BBS9: variants seen among roughly 807,000 people sequenced by gnomAD.
BBS9 encodes protein PTHB1.
A neutral mutation model predicts 117.7 loss-of-function variants in BBS9; 89 were observed. The ratio of observed to expected loss-of-function variants is 0.76; its 90% CI spans 0.64 to 0.90. The LOEUF (loss-of-function observed/expected upper bound fraction) is 0.90. BBS9 is among the 40% of genes least tolerant of loss of function. The probability of loss-of-function intolerance (pLI) is 0.00; values close to 1 mark genes in which losing one functional copy is unlikely to be tolerated. For missense variants in BBS9, 982 were observed against 1,042.2 expected (o/e 0.94, Z 0.80); for synonymous variants, 379 against 370.9 (o/e 1.02, Z -0.25).
rs902618350 is a variant in BBS9 at position 33,446,416 on chromosome 7, G to GT, written c.2115+58280dup. Reference sequence around the variant, plus strand: ...ATTAATTAAACCAAATGTTAAATCTGTTTTTTTTGAAAAAGCTTGAAATTC... The same window carrying GT: ...ATTAATTAAACCAAATGTTAAATCTGTTTTTTTTTGAAAAAGCTTGAAATTC... On this transcript the variant is annotated intron_variant, in intron 19 of 22. Transcript: ENST00000242067. 2.0e-3 allele frequency among the ~76,000 whole-genome samples: 296 copies of GT among 151,780 alleles called. 2 individuals carry two copies. The highest frequency in any genetic ancestry group is 6.7e-3 in the African/African-American group (276 of 41,394).
At chr7:33,245,253 A>G (rs1795155137) in intron 5 of BBS9, among the ~76,000 whole-genome samples, 1 of 150,910 alleles carries the variant, frequency 6.6e-6, no homozygotes, top group Admixed American at 6.6e-5. Flanking sequence ...TATTTTTTAT[A>G]TTGTCTTTCC....
chr7:33,428,258 AATTG>A (rs1471912650), intron 19 of BBS9, among the ~76,000 whole-genome samples: 1 of 152,182 alleles, frequency 6.6e-6, no homozygotes, highest in Non-Finnish European at 1.5e-5. Flanking sequence ...ACATTTGTGC[AATTG>A]ATTTTTGACA....
intron 20 of BBS9, among the ~76,000 whole-genome samples, chr7:33,527,050 T>C (rs898960812): frequency 4.6e-5 from 7 of 151,740 alleles, no homozygotes; most frequent in African/African-American, 1.4e-4. Flanking sequence ...GCCTCCCAGT[T>C]AGGCTGCTCG....
At chr7:33,618,355 AAAGT>A (rs1266766115) in intron 21 of BBS9, among the ~76,000 whole-genome samples, 3 of 152,248 alleles carry the variant, frequency 2.0e-5, no homozygotes, top group African/African-American at 4.8e-5. Context: ...AAAAAAAAAA[AAAGT>A]AAGACATTAA....
chr7:33,410,735 T>C (rs949851340), intron 19 of BBS9, among the ~76,000 whole-genome samples: 17 of 152,176 alleles, frequency 1.1e-4, no homozygotes, highest in Admixed American at 4.6e-4. Flanking sequence ...TAAAAGCCAG[T>C]TTGTCTGGCT....
chr7:33,410,603 C>G (rs1038347863), intron 19 of BBS9, among the ~76,000 whole-genome samples: 7 of 152,302 alleles, frequency 4.6e-5, no homozygotes, highest in African/African-American at 7.2e-5. Flanking sequence ...TTGTCTACAT[C>G]TATTCCCAAC....
At chr7:33,524,835 G>C (rs1471438241) in intron 20 of BBS9, among the ~76,000 whole-genome samples, 1 of 152,078 alleles carries the variant, frequency 6.6e-6, no homozygotes, top group African/African-American at 2.4e-5. Context: ...TTTTAATTGT[G>C]ATGTTAGGGT....
intron 20 of BBS9, among the ~76,000 whole-genome samples, chr7:33,520,675 T>C (rs6947128): frequency 0.059 from 9,008 of 152,272 alleles, 350 homozygotes; most frequent in Middle Eastern, 0.1. Flanking sequence ...TATGTGGAAA[T>C]ATATAAATAA....
intron 19 of BBS9, among the ~76,000 whole-genome samples, chr7:33,498,154 A>G (rs1372409782): frequency 6.6e-6 from 1 of 152,154 alleles, no homozygotes; most frequent in Non-Finnish European, 1.5e-5. Context: ...TCATAGTTAG[A>G]TGTGGTTGAC....
intron 9 of BBS9, among the ~76,000 whole-genome samples, chr7:33,313,064 T>TGCGC (rs1554412030): frequency 3.4e-5 from 5 of 147,688 alleles, no homozygotes; most frequent in African/African-American, 5.0e-5. Context: ...TGTGTGTGTG[T>TGCGC]GCGCGCACAG....
intron 10 of BBS9, among the ~76,000 whole-genome samples, chr7:33,339,419 A>G (rs181725644): frequency 5.1e-4 from 77 of 152,306 alleles, no homozygotes; most frequent in African/African-American, 1.8e-3. Context: ...GAATTGAAGA[A>G]TGGTTATTGG....
intron 6 of BBS9, among the ~76,000 whole-genome samples, chr7:33,262,665 T>C (rs1304717782): frequency 6.6e-6 from 1 of 152,216 alleles, no homozygotes; most frequent in Non-Finnish European, 1.5e-5. Context: ...TCCCTCTTAC[T>C]TCATGCGCCC....
rs149704020 is a variant in BBS9 at position 33,489,143 on chromosome 7, C to T, written c.2116-16320C>T. Among the ~76,000 whole-genome samples the T allele has an allele frequency of 6.2e-3, 946 of 151,834 alleles. 12 individuals carry two copies. Among genetic ancestry groups the T allele is most frequent in the African/African-American group, 0.022 (911 of 41,422 alleles). On this transcript the variant is annotated intron_variant, in intron 19 of 22. Coordinates refer to ENST00000242067, the MANE Select transcript of BBS9 (RefSeq NM_198428.3). ...GAGTAGCTGGGATTATAGGCGTGCA[C>T]CACCACGCCTGGCTAACTTTTTGTA... is the stretch of plus-strand genomic sequence containing the variant.
At chr7:33,142,575 A>G (rs1461852053) in intron 1 of BBS9, among the ~76,000 whole-genome samples, 3 of 152,170 alleles carry the variant, frequency 2.0e-5, no homozygotes, top group African/African-American at 7.2e-5. Context: ...AGTCAACACT[A>G]TATACCTATT....
At chr7:33,155,058 G>A (rs552236228) in intron 3 of BBS9, among the ~76,000 whole-genome samples, 1 of 152,180 alleles carries the variant, frequency 6.6e-6, no homozygotes, top group Non-Finnish European at 1.5e-5. Context: ...GATAGGCTGG[G>A]AATTGTTGTG....
intron 19 of BBS9, among the ~76,000 whole-genome samples, chr7:33,495,075 G>T (rs1844528668): frequency 6.6e-6 from 1 of 152,138 alleles, no homozygotes; most frequent in African/African-American, 2.4e-5. Flanking sequence ...AGAGAAGTAG[G>T]CCCTCTGAAA....
At chr7:33,327,473 G>C (rs1205497753) in intron 9 of BBS9, among the ~76,000 whole-genome samples, 2 of 152,154 alleles carry the variant, frequency 1.3e-5, no homozygotes, top group African/African-American at 4.8e-5. Context: ...GTTGAAGCAG[G>C]AGGATCACCT....
intron 17 of BBS9, among the ~76,000 whole-genome samples, chr7:33,370,855 TTTGTACA>T (rs1822731403): frequency 6.6e-6 from 1 of 152,160 alleles, no homozygotes; most frequent in South Asian, 2.1e-4. Context: ...TTTGTCTCTA[TTTGTACA>T]TTGCCTTGTT....
intron 19 of BBS9, among the ~76,000 whole-genome samples, chr7:33,442,215 T>C (rs1193255640): frequency 6.6e-6 from 1 of 152,158 alleles, no homozygotes; most frequent in Non-Finnish European, 1.5e-5. Context: ...TCTAAGAAAT[T>C]TCCACTTTCA....
Sources: allele counts gnomAD v4.1 joint callset (sites outside exome capture counted in the v4.1 genomes callset), GRCh38; gene constraint gnomAD v4.1.1; transcripts MANE v1.5; gene names NCBI Gene and HGNC (gene_info 2026-07-23, HGNC 2026-07-21).